Variants in SV2B observed in about 807,000 individuals in gnomAD.
The protein encoded by SV2B is synaptic vesicle glycoprotein 2B, also known as solute carrier family 22 member B2.
In SV2B, 41 loss-of-function variants were observed where a neutral mutation model predicts 73.9. The observed-to-expected ratio is 0.56, with a 90% confidence interval of 0.43 to 0.72. SV2B has a LOEUF of 0.72. Ranked by LOEUF, SV2B falls within the 30% of genes least tolerant of loss-of-function variation. The pLI is 0.00. For missense variants in SV2B, 764 were observed against 857.8 expected (o/e 0.89, Z 1.37); for synonymous variants, 314 against 314.2 (o/e 1.00, Z 0.01).
rs559118407 is a variant in SV2B at position 91,141,765 on chromosome 15, G to A, written c.-392+41402G>A. On this transcript the variant is annotated intron_variant, in intron 1 of 12. Transcript: ENST00000394232. The surrounding 1 kb of genome is among the most constrained non-coding windows in gnomAD (Gnocchi z 4.6). ...GTTTTGTTTTTTTTTTTGGACAGAG[G>A]TCACATTTTGGCAACATCTTTTTCT... 6.6e-6 allele frequency among the ~76,000 whole-genome samples: 1 copy of A among 151,492 alleles called. No individual in the cohort carries two copies. The highest frequency in any genetic ancestry group is 1.5e-5 in the Non-Finnish European group (1 of 67,880).
Position 91,223,465 on chromosome 15 carries a change from C to T in SV2B, c.-391-2408C>T, listed in dbSNP as rs2141475069. On this transcript the variant is annotated intron_variant, in intron 1 of 12. Coordinates refer to ENST00000394232, the MANE Select transcript of SV2B (RefSeq NM_001323032.3). This position sits in a 1 kb window ranked among gnomAD's most constrained non-coding sequence, Gnocchi z 4.6. ...AGTTAGTTTTGACGAAGATCCTCTT[C>T]TTTCTGCAAAGCAGCTCCCAGAACC... is the stretch of plus-strand genomic sequence containing the variant. Among the ~76,000 whole-genome samples the T allele has an allele frequency of 6.6e-6, 1 of 152,322 alleles. No individual in the cohort carries two copies. Among genetic ancestry groups the T allele is most frequent in the East Asian group, 1.9e-4 (1 of 5,184 alleles).
At chr15:91,235,879 A>G (rs565496776) in intron 2 of SV2B, among the ~76,000 whole-genome samples, 2 of 152,334 alleles carry the variant, frequency 1.3e-5, no homozygotes, top group South Asian at 4.1e-4. Context: ...ATGTCTGGAA[A>G]GAGAGGGAGA....
chr15:91,187,316 C>G (rs1365676502), intron 1 of SV2B, among the ~76,000 whole-genome samples: 1 of 152,162 alleles, frequency 6.6e-6, no homozygotes, highest in Non-Finnish European at 1.5e-5. Flanking sequence ...CTATAATGCT[C>G]TTAAATGTTT....
intron 1 of SV2B, among the ~76,000 whole-genome samples, chr15:91,162,803 G>A (rs908968311): frequency 2.6e-5 from 4 of 152,000 alleles, no homozygotes; most frequent in South Asian, 2.1e-4. Flanking sequence ...TAAGTTCTAC[G>A]GTATATATGC....
intron 1 of SV2B, among the ~76,000 whole-genome samples, chr15:91,103,190 C>G (rs149239734): frequency 6.6e-6 from 1 of 152,236 alleles, no homozygotes; most frequent in East Asian, 1.9e-4. Flanking sequence ...AGAGCATAAA[C>G]GAATGCAGGA....
chr15:91,253,684 A>G lies in SV2B; in HGVS notation c.784+1164A>G, dbSNP rs976735142. 2.6e-5 allele frequency among the ~76,000 whole-genome samples: 4 copies of G among 152,224 alleles called. No homozygotes were observed. The highest frequency in any genetic ancestry group is 7.2e-5 in the African/African-American group (3 of 41,456). On this transcript the variant is annotated intron_variant, in intron 4 of 12. Transcript: ENST00000394232. This position sits in a 1 kb window ranked among gnomAD's most constrained non-coding sequence, Gnocchi z 5.0. ...CTGTCATCTTCAACCTACAGCTTAC[A>G]AGGTCTCCGGTTTGGGGAAAGAGAA...
chr15:91,179,530 G>A (rs2044463809), intron 1 of SV2B, among the ~76,000 whole-genome samples: 3 of 152,078 alleles, frequency 2.0e-5, no homozygotes, highest in African/African-American at 7.2e-5. Context: ...GGGAGTCTAA[G>A]TCTCTTTGTA....
In SV2B at chr15:91,129,601, T is replaced by A. The variant is rs1464824989; in HGVS notation, c.-392+29238T>A. Among the ~76,000 whole-genome samples the A allele has an allele frequency of 6.6e-6, 1 of 152,210 alleles. No individual in the cohort carries two copies. The highest frequency in any genetic ancestry group is 1.5e-5 in the Non-Finnish European group (1 of 68,036). On this transcript the variant is annotated intron_variant, in intron 1 of 12. Transcript: ENST00000394232. This position sits in a 1 kb window ranked among gnomAD's most constrained non-coding sequence, Gnocchi z 5.1. ...CAGCACACTGGGCACAGACTAGGACTGCATCTGGTTGCCTCCAGATGGCTT... is the reference window on the plus strand; with the variant it reads ...CAGCACACTGGGCACAGACTAGGACAGCATCTGGTTGCCTCCAGATGGCTT...
chr15:91,156,485 C>T (rs2043495082), intron 1 of SV2B, among the ~76,000 whole-genome samples: 1 of 152,184 alleles, frequency 6.6e-6, no homozygotes. Context: ...TAGCCTTAAA[C>T]AAAATGGCAG....
At position 91,128,767 on chromosome 15, in the gene SV2B, A is replaced by T. The variant is rs1432307135; in HGVS notation, c.-392+28404A>T. 1 of 152,440 alleles carries T rather than the reference A, an allele frequency of 6.6e-6. No individual in the cohort carries two copies. Among genetic ancestry groups the T allele is most frequent in the Non-Finnish European group, 1.5e-5 (1 of 68,230 alleles). The allele number at this position is 152,440 out of a possible 1,614,324, so 9.4% of individuals were successfully genotyped here. A position where few individuals can be genotyped will look rare whatever the true frequency, so the allele number is the denominator to read the frequency against. Reference sequence around the variant, plus strand: ...AGAGAGGGCCCTGCCCCACACCCAGAAGGAAGGAATGCTGCCCAGAGATGA... The same window carrying T: ...AGAGAGGGCCCTGCCCCACACCCAGTAGGAAGGAATGCTGCCCAGAGATGA... On this transcript the variant is annotated intron_variant, in intron 1 of 12. Transcript: ENST00000394232. The surrounding 1 kb of genome is among the most constrained non-coding windows in gnomAD (Gnocchi z 4.2).
chr15:91,277,733 AT>A (rs1291457708), intron 9 of SV2B, among the ~76,000 whole-genome samples: 3 of 152,240 alleles, frequency 2.0e-5, no homozygotes, highest in Non-Finnish European at 2.9e-5. Flanking sequence ...TTGTTTCCAG[AT>A]TTTGGCATGG....
At chr15:91,271,232 C>T (rs1239554273) in intron 9 of SV2B, among the ~76,000 whole-genome samples, 1 of 150,900 alleles carries the variant, frequency 6.6e-6, no homozygotes, top group Non-Finnish European at 1.5e-5. Flanking sequence ...CCTCTCCCCG[C>T]CCCACGGGGT....
chr15:91,113,276 C>T (rs990897292), intron 1 of SV2B, among the ~76,000 whole-genome samples: 4 of 152,218 alleles, frequency 2.6e-5, no homozygotes, highest in Non-Finnish European at 4.4e-5. Flanking sequence ...TTTGTTGATG[C>T]GGTGAGAAAG....
At chr15:91,269,425 G>A (rs1283013735) in intron 9 of SV2B, among the ~76,000 whole-genome samples, 1 of 152,142 alleles carries the variant, frequency 6.6e-6, no homozygotes, top group Non-Finnish European at 1.5e-5. Context: ...GGTGGCCATG[G>A]GCTATACAGT....
chr15:91,102,620 A>ATG (rs1002629544), intron 1 of SV2B, among the ~76,000 whole-genome samples: 3 of 152,004 alleles, frequency 2.0e-5, no homozygotes, highest in African/African-American at 4.8e-5. Flanking sequence ...GAGTGTGTGT[A>ATG]TGTGTGTGTG....
rs928355527 is a variant in SV2B at position 91,149,386 on chromosome 15, G to T, written c.-392+49023G>T. ...TAAAACAGTTGGGTGATCCGTAAAT[G>T]CTTCTTGATCTTTTAAAAAATTAAG... On this transcript the variant is annotated intron_variant, in intron 1 of 12. Transcript: ENST00000394232. 3.3e-5 allele frequency among the ~76,000 whole-genome samples: 5 copies of T among 152,324 alleles called. No homozygotes were observed. The South Asian group carries it at 1.0e-3, about 32-fold the overall frequency.
In SV2B at chr15:91,288,788, G is replaced by A. The variant is rs937247214; in HGVS notation, c.1709-733G>A. On this transcript the variant is annotated intron_variant, in intron 11 of 12. Transcript: ENST00000394232. This position sits in a 1 kb window ranked among gnomAD's most constrained non-coding sequence, Gnocchi z 5.8. Reference sequence around the variant, plus strand: ...TGCCTCCCAGCTTCAAATAATTCTCGTGCCTCAGCCTCCCAAGTAGCTGGG... The same window carrying A: ...TGCCTCCCAGCTTCAAATAATTCTCATGCCTCAGCCTCCCAAGTAGCTGGG... 2.0e-5 allele frequency among the ~76,000 whole-genome samples: 3 copies of A among 151,670 alleles called. No homozygotes were observed. The highest frequency in any genetic ancestry group is 4.8e-5 in the African/African-American group (2 of 41,346).
intron 1 of SV2B, among the ~76,000 whole-genome samples, chr15:91,135,889 C>A (rs1309472753): frequency 1.3e-5 from 2 of 152,182 alleles, no homozygotes; most frequent in South Asian, 2.1e-4. Context: ...TCTCCTAAAA[C>A]TCCTCTCTGT....
rs536957770 is a variant in SV2B, at chr15:91,258,681, C to G, written c.918+127C>G. 1 of 1,354,720 alleles carries G rather than the reference C, an allele frequency of 7.4e-7. No homozygotes were observed. The highest frequency in any genetic ancestry group is 1.5e-5 in the African/African-American group (1 of 68,664). The allele number at this position is 1,354,720 out of a possible 1,614,324, so 83.9% of individuals were successfully genotyped here. A position where few individuals can be genotyped will look rare whatever the true frequency, so the allele number is the denominator to read the frequency against. On this transcript the variant is annotated intron_variant, in intron 5 of 12. Transcript: ENST00000394232. This position sits in a 1 kb window ranked among gnomAD's most constrained non-coding sequence, Gnocchi z 4.7. ...TATGTGTTGCAAACTCTCCCCTGGT[C>G]GGCTGACCTCACTCATCATTGAATC...
Sources: gnomAD v4.1 joint callset for allele counts (sites outside exome capture counted in the v4.1 genomes callset) on GRCh38, gnomAD v4.1.1 for gene constraint, Gnocchi (gnomAD v3.1) non-coding constraint, MANE v1.5 for transcripts, NCBI Gene and HGNC (gene_info 2026-07-23, HGNC 2026-07-21) for gene names.